PRR16: variants seen among roughly 807,000 people sequenced by gnomAD.
The protein encoded by PRR16 is proline rich 16, also known as protein Largen.
PRR16 carries 6 observed loss-of-function variants against 18.2 expected under a neutral mutation model. That is an observed-to-expected ratio of 0.33 (90% CI 0.18 to 0.65). PRR16 has a LOEUF of 0.65. Ranked by LOEUF, PRR16 falls within the 30% of genes least tolerant of loss-of-function variation. The probability of loss-of-function intolerance (pLI) is 0.74; values close to 1 mark genes in which losing one functional copy is unlikely to be tolerated. For synonymous variants in PRR16, 151 were observed against 147.8 expected, an observed-to-expected ratio of 1.02 and a Z score of -0.16; for missense variants, 412 against 376.6, an observed-to-expected ratio of 1.09 and a Z score of -0.78.
intron 1 of PRR16, among the ~76,000 whole-genome samples, chr5:120,652,655 C>T (rs1402584313): frequency 6.6e-6 from 1 of 151,898 alleles, no homozygotes; most frequent in Non-Finnish European, 1.5e-5. Flanking sequence ...ATCCTCAAAA[C>T]TGCTAAGGTC....
intron 1 of PRR16, among the ~76,000 whole-genome samples, chr5:120,614,285 T>C (rs1461047405): frequency 6.6e-6 from 1 of 152,232 alleles, no homozygotes. Flanking sequence ...TTTTTGTATC[T>C]TCTTATTGGA....
the PRR16 span, among the ~76,000 whole-genome samples, chr5:120,732,186 A>C: frequency 6.6e-6 from 1 of 152,346 alleles, no homozygotes; most frequent in East Asian, 1.9e-4. Flanking sequence ...TCAGAGTAAT[A>C]GTTTGGTAAG....
intron 1 of PRR16, among the ~76,000 whole-genome samples, chr5:120,660,785 G>T (rs1370573736): frequency 6.6e-6 from 1 of 151,960 alleles, no homozygotes; most frequent in African/African-American, 2.4e-5. Context: ...CATAAATGGT[G>T]TAATTTCAGA....
chr5:120,787,219 G>T, the PRR16 span, among the ~76,000 whole-genome samples: 1 of 151,982 alleles, frequency 6.6e-6, no homozygotes, highest in African/African-American at 2.4e-5. Flanking sequence ...AAAAAAATGT[G>T]GTTTAAAAAT....
At chr5:120,620,228 T>C (rs974119393) in intron 1 of PRR16, among the ~76,000 whole-genome samples, 1 of 152,176 alleles carries the variant, frequency 6.6e-6, no homozygotes, top group Non-Finnish European at 1.5e-5. Flanking sequence ...TAATCTTTAA[T>C]TTATTTATCA....
chr5:120,775,027 T>A, the PRR16 span, among the ~76,000 whole-genome samples: 1 of 152,120 alleles, frequency 6.6e-6, no homozygotes, highest in Admixed American at 6.5e-5. Context: ...CCGCACATAC[T>A]CTAACCTTAC....
chr5:120,744,404 T>C, the PRR16 span, among the ~76,000 whole-genome samples: 5 of 152,132 alleles, frequency 3.3e-5, no homozygotes, highest in Middle Eastern at 3.2e-3. Context: ...TGGAAGGGGA[T>C]TGGGGAAGGA....
At chr5:120,537,577 C>G (rs1016308600) in intron 1 of PRR16, among the ~76,000 whole-genome samples, 1 of 134,106 alleles carries the variant, frequency 7.5e-6, no homozygotes, top group African/African-American at 2.7e-5. Flanking sequence ...GACCCCCACA[C>G]CAATTGCTAT....
chr5:120,573,368 G>A (rs1752967221), intron 1 of PRR16, among the ~76,000 whole-genome samples: 1 of 152,066 alleles, frequency 6.6e-6, no homozygotes, highest in Non-Finnish European at 1.5e-5. Context: ...AAAACTATGA[G>A]GAAAACAAAT....
chr5:120,572,167 GTC>G (rs1397360799), intron 1 of PRR16, among the ~76,000 whole-genome samples: 1 of 152,130 alleles, frequency 6.6e-6, no homozygotes, highest in Non-Finnish European at 1.5e-5. Context: ...GGTCAAAGGA[GTC>G]TCTCATATTG....
At chr5:120,577,495 C>G (rs137874398) in intron 1 of PRR16, among the ~76,000 whole-genome samples, 72 of 151,854 alleles carry the variant, frequency 4.7e-4, no homozygotes, top group African/African-American at 1.5e-3. Flanking sequence ...GGGTGGATTT[C>G]TTCTTTTTTG....
chr5:120,597,448 TA>T (rs1449567539), intron 1 of PRR16, among the ~76,000 whole-genome samples: 1 of 151,712 alleles, frequency 6.6e-6, no homozygotes, highest in Non-Finnish European at 1.5e-5. Context: ...TCTAAAATAC[TA>T]AAATTCTGAC....
At chr5:120,559,315 T>A (rs1752506564) in intron 1 of PRR16, among the ~76,000 whole-genome samples, 1 of 151,954 alleles carries the variant, frequency 6.6e-6, no homozygotes, top group African/African-American at 2.4e-5. Context: ...TTTGATTGGA[T>A]TTTTGTATGT....
At chr5:120,774,278 A>G in the PRR16 span, among the ~76,000 whole-genome samples, 103 of 152,304 alleles carry the variant, frequency 6.8e-4, no homozygotes, top group African/African-American at 2.3e-3. Flanking sequence ...GGGATGCAGG[A>G]GAAAAGATTG....
At chr5:120,466,327 C>T (rs192281001) in intron 1 of PRR16, among the ~76,000 whole-genome samples, 1 of 152,100 alleles carries the variant, frequency 6.6e-6, no homozygotes, top group Non-Finnish European at 1.5e-5. Context: ...ATGTTCCTTT[C>T]GGCAGAATTG....
At chr5:120,781,916 A>G in the PRR16 span, among the ~76,000 whole-genome samples, 1 of 152,208 alleles carries the variant, frequency 6.6e-6, no homozygotes, top group Non-Finnish European at 1.5e-5. Flanking sequence ...AAAGGTTGCA[A>G]GAATTGATAA....
chr5:120,485,425 G>A (rs941598915), intron 1 of PRR16, among the ~76,000 whole-genome samples: 3 of 152,234 alleles, frequency 2.0e-5, no homozygotes, highest in East Asian at 1.9e-4. Context: ...TTTCTTAGAC[G>A]CATTTTGGTT....
the PRR16 span, among the ~76,000 whole-genome samples, chr5:120,783,378 T>C: frequency 1.6e-4 from 24 of 152,208 alleles, no homozygotes; most frequent in African/African-American, 4.1e-4. Flanking sequence ...TATATCCACA[T>C]AATAGCCAAA....
At chr5:120,527,430 G>A (rs1024507442) in intron 1 of PRR16, among the ~76,000 whole-genome samples, 14 of 152,122 alleles carry the variant, frequency 9.2e-5, no homozygotes, top group Admixed American at 7.9e-4. Context: ...GGCCTGATTT[G>A]GCACACAGCT....
Sources: allele counts gnomAD v4.1 joint callset (sites outside exome capture counted in the v4.1 genomes callset), GRCh38; gene constraint gnomAD v4.1.1; transcripts MANE v1.5; gene names NCBI Gene and HGNC (gene_info 2026-07-23, HGNC 2026-07-21).